The following PWWP3A variants were observed in gnomAD, a reference collection of about 807,000 sequenced individuals.
PWWP3A encodes the protein PWWP domain-containing DNA repair factor 3A.
Under a neutral mutation model 79.0 loss-of-function variants are expected in PWWP3A, and 53 were observed. The observed-to-expected ratio is 0.67, with a 90% CI of 0.54 to 0.84. The LOEUF is 0.84. Among genes scored for constraint, PWWP3A ranks in the 40% least tolerant of loss-of-function variants. PWWP3A has a pLI of 0.00. For synonymous variants in PWWP3A, 443 were observed against 394.4 expected, an observed-to-expected ratio of 1.12 and a Z score of -1.46; for missense variants, 973 against 948.0, an observed-to-expected ratio of 1.03 and a Z score of -0.35.
chr19:1,358,429 A>G lies in PWWP3A; in HGVS notation c.179A>G (p.Glu60Gly), dbSNP rs1224345287. Residue 60 changes from glutamate (E) to glycine (G), a missense_variant, in exon 4 of 14, where the codon GAG becomes GGG. By Grantham distance (98) the Glu-to-Gly change is moderately conservative. Transcript: ENST00000591337. ...AAAAGCACTGAAGTTGAGATCCTAG[A>G]GAAGTCTCAAATTGAAGCCATTGCT... ...KVKSTEVEIL[E>G]KSQIEAIASS... The G allele has an allele frequency of 1.2e-6, 2 of 1,614,188 alleles. No individual in the cohort carries two copies. Among genetic ancestry groups the G allele is most frequent in the South Asian group, 1.1e-5 (1 of 91,060 alleles).
In PWWP3A at chr19:1,360,198, G is replaced by A. The variant is rs527257850; in HGVS notation, c.277G>A (p.Val93Met). ...EELAYRRSLR[V>M]ALDVLSEGSI... is the part of the protein sequence containing the mutation. ...ACTGGCCTACAGACGGTCGCTTCGC[G>A]TGGCTCTGGACGTTCTGAGCGAGGG... is the stretch of plus-strand genomic sequence containing the variant. Residue 93 changes from valine to methionine, a missense_variant, in exon 5 of 14, where the codon GTG (valine) becomes ATG (methionine). Val to Met is a conservative substitution (Grantham distance 21). Coordinates refer to ENST00000591337, the MANE Select transcript of PWWP3A (RefSeq NM_001369789.1). This position sits in a 1 kb window ranked among gnomAD's most constrained non-coding sequence, Gnocchi z 4.4. 9 of 1,608,380 alleles carry A rather than the reference G, an allele frequency of 5.6e-6. No homozygotes were observed. Among genetic ancestry groups the A allele is most frequent in the African/African-American group, 2.7e-5 (2 of 74,696 alleles).
intron 13 of PWWP3A, among the ~76,000 whole-genome samples, chr19:1,374,985 C>T (rs1248299176): frequency 6.6e-6 from 1 of 151,840 alleles, no homozygotes; most frequent in Non-Finnish European, 1.5e-5. Flanking sequence ...CTTTGGGAGG[C>T]CGAGGCAGGT....
At chr19:1,363,282 C>CT (rs1346644555) in intron 6 of PWWP3A, among the ~76,000 whole-genome samples, 3 of 152,052 alleles carry the variant, frequency 2.0e-5, no homozygotes, top group South Asian at 4.2e-4. Flanking sequence ...CACATTTTCC[C>CT]TTTTTTTTGC....
intron 6 of PWWP3A, 60 bp downstream of exon 6, chr19:1,362,411 G>A (rs2082038010): frequency 1.4e-5 from 19 of 1,362,146 alleles, no homozygotes; most frequent in South Asian, 9.8e-5. Context: ...CAGCGGCGGC[G>A]GGGCTCCGAG....
chr19:1,369,456 G>C lies in PWWP3A; in HGVS notation c.1498+116G>C. 2 of 1,480,776 alleles carry C rather than the reference G, an allele frequency of 1.4e-6. No individual in the cohort carries two copies. Among genetic ancestry groups the C allele is most frequent in the Non-Finnish European group, 1.9e-6 (2 of 1,062,262 alleles). The allele number at this position is 1,480,776 out of a possible 1,614,324, so 91.7% of individuals were successfully genotyped here. A position where few individuals can be genotyped will look rare whatever the true frequency, so the allele number is the denominator to read the frequency against. On this transcript the variant is annotated intron_variant, in intron 10 of 13. Transcript: ENST00000591337. The surrounding 1 kb of genome is among the most constrained non-coding windows in gnomAD (Gnocchi z 4.0). Reference sequence around the variant, plus strand: ...GGCGGGGCATATTTCCGTGGGCCTGGGGCATTCCCTGTGGGTGGGCTGGGG... The same window carrying C: ...GGCGGGGCATATTTCCGTGGGCCTGCGGCATTCCCTGTGGGTGGGCTGGGG...
intron 13 of PWWP3A, among the ~76,000 whole-genome samples, chr19:1,375,566 A>AACAATATAATTTTATATATTGT (rs2082359637): frequency 1.2e-5 from 1 of 81,324 alleles, no homozygotes; most frequent in Non-Finnish European, 2.2e-5. Flanking sequence ...TTATATATAA[A>AACAATATAATTTTATATATTGT]ATATATTATA....
intron 11 of PWWP3A, among the ~76,000 whole-genome samples, chr19:1,370,264 A>G (rs979121608): frequency 1.3e-5 from 2 of 152,104 alleles, no homozygotes; most frequent in African/African-American, 4.8e-5. Context: ...GAACACCGGG[A>G]TGTTTGGCCA....
intron 7 of PWWP3A, 146 bp downstream of exon 7, chr19:1,364,725 G>C: frequency 1.4e-6 from 1 of 716,422 alleles, no homozygotes; most frequent in Non-Finnish European, 2.3e-6. Flanking sequence ...TGGGTTTTTA[G>C]AAAAGACTTC....
chr19:1,375,449 A>C (rs1215304835), intron 13 of PWWP3A, among the ~76,000 whole-genome samples: 1 of 111,088 alleles, frequency 9.0e-6, no homozygotes, highest in Non-Finnish European at 1.8e-5. Context: ...ATATATATTT[A>C]TATATAATGT....
At chr19:1,359,356 A>G (rs1472709817) in intron 4 of PWWP3A, 2 of 151,278 alleles carry the variant, frequency 1.3e-5, no homozygotes, top group African/African-American at 2.4e-5. Context: ...CCATCTCTGC[A>G]TAACTTAGGC....
At chr19:1,367,368 CGTTAGA>C (rs1303122922) in intron 9 of PWWP3A, 148 bp downstream of exon 9, 12 of 682,964 alleles carry the variant, frequency 1.8e-5, no homozygotes, top group South Asian at 1.5e-4. Context: ...GCGCTCTGGC[CGTTAGA>C]GTTAGATCGT....
Position 1,360,887 on chromosome 19 carries a change from G to C in PWWP3A, c.966G>C (p.Gly322=). ...TGCAGCTGGAGCCCATGGCAGCAGG[G>C]GCCGCACCATCCCCCGGGCCGGGGC... The part of the protein sequence containing the change: ...PAVQLEPMAA[G]AAPSPGPGPG... Residue 322 remains glycine, a synonymous_variant, in exon 5 of 14, where the codon GGG becomes GGC. Coordinates refer to ENST00000591337, the MANE Select transcript of PWWP3A (RefSeq NM_001369789.1). The surrounding 1 kb of genome is among the most constrained non-coding windows in gnomAD (Gnocchi z 4.4). The C allele has an allele frequency of 6.5e-7, 1 of 1,545,692 alleles. No homozygotes were observed.
intron 3 of PWWP3A, 69 bp from the exon 4 acceptor site, chr19:1,358,325 G>A: frequency 1.4e-6 from 2 of 1,396,562 alleles, no homozygotes; most frequent in African/African-American, 2.9e-5. Flanking sequence ...GTTATCTAAA[G>A]GAAAACATGT....
rs1568930360 is a variant in PWWP3A, at chr19:1,360,215, G to T, written c.294G>T (p.Leu98=). ...RRSLRVALDV[L]SEGSIWSQES... is the part of the protein sequence containing the mutation. Reference sequence around the variant, plus strand: ...CGCTTCGCGTGGCTCTGGACGTTCTGAGCGAGGGCTCGATTTGGAGTCAAG... The same window carrying T: ...CGCTTCGCGTGGCTCTGGACGTTCTTAGCGAGGGCTCGATTTGGAGTCAAG... The change falls in exon 5 of 14, where the codon CTG becomes CTT. Residue 98 remains leucine, a synonymous_variant. Coordinates refer to ENST00000591337, the MANE Select transcript of PWWP3A (RefSeq NM_001369789.1). This position sits in a 1 kb window ranked among gnomAD's most constrained non-coding sequence, Gnocchi z 4.4. The T allele has an allele frequency of 6.2e-7, 1 of 1,613,508 alleles. No homozygotes were observed.
Position 1,369,439 on chromosome 19 carries a change from A to G in PWWP3A, c.1498+99A>G, listed in dbSNP as rs1331361442. 1.4e-5 allele frequency: 21 copies of G among 1,503,022 alleles called. No individual in the cohort carries two copies. The East Asian group carries it at 3.6e-4, about 26-fold the overall frequency. 93.1% of individuals were successfully genotyped at this position (1,503,022 alleles called of 1,614,324 possible). A position where few individuals can be genotyped will look rare whatever the true frequency, so the allele number is the denominator to read the frequency against. On this transcript the variant is annotated intron_variant, in intron 10 of 13. Coordinates refer to ENST00000591337, the MANE Select transcript of PWWP3A (RefSeq NM_001369789.1). This position sits in a 1 kb window ranked among gnomAD's most constrained non-coding sequence, Gnocchi z 4.0. ...GGCCGGAGCTGCCTGGAGGCGGGGC[A>G]TATTTCCGTGGGCCTGGGGCATTCC...
At chr19:1,366,417 G>T (rs751704455) in intron 8 of PWWP3A, 36 bp downstream of exon 8, 1 of 1,596,366 alleles carries the variant, frequency 6.3e-7, no homozygotes, top group Non-Finnish European at 8.6e-7. Context: ...GAATGGGCCT[G>T]AGGGGCCAGG....
Position 1,377,954 on chromosome 19 carries a change from G to A in PWWP3A, c.*1378G>A, listed in dbSNP as rs754363647. On this transcript the variant is annotated 3_prime_UTR_variant, in exon 14 of 14. Transcript: ENST00000591337. ...GTATCGGGCCCTTGGGACTCGGGAG[G>A]TGCCAGAGGCGGCGGCTGCTCTGGA... 3.3e-5 allele frequency: 5 copies of A among 152,314 alleles called. No individual in the cohort carries two copies. Among genetic ancestry groups the A allele is most frequent in the Admixed American group, 2.0e-4 (3 of 15,292 alleles). The allele number at this position is 152,314 out of a possible 1,614,324, so 9.4% of individuals were successfully genotyped here.
At chr19:1,358,839 T>G (rs1354330108) in intron 4 of PWWP3A, 1 of 488,204 alleles carries the variant, frequency 2.0e-6, no homozygotes, top group African/African-American at 2.0e-5. Context: ...TGTCGCTGCC[T>G]GGCCAGTCTG....
intron 4 of PWWP3A, chr19:1,358,688 A>G (rs2081941493): frequency 6.6e-7 from 1 of 1,521,390 alleles, no homozygotes. Flanking sequence ...CTTGACGCCC[A>G]GAATGGTCAG....
Sources: gnomAD v4.1 joint callset for allele counts (sites outside exome capture counted in the v4.1 genomes callset) on GRCh38, gnomAD v4.1.1 for gene constraint, Gnocchi (gnomAD v3.1) non-coding constraint, MANE v1.5 for transcripts, NCBI Gene and HGNC (gene_info 2026-07-23, HGNC 2026-07-21) for gene names.